GABRG3: variants seen among roughly 807,000 people sequenced by gnomAD.
GABRG3 encodes the protein gamma-aminobutyric acid receptor subunit gamma-3.
Under a neutral mutation model 48.8 loss-of-function variants are expected in GABRG3, and 25 were observed. That is an observed-to-expected ratio of 0.51 (90% confidence interval 0.37 to 0.72). The LOEUF is 0.72. GABRG3 is among the 30% of genes least tolerant of loss of function. The pLI is 0.00. For missense variants in GABRG3, 394 were observed against 577.9 expected, an observed-to-expected ratio of 0.68 and a Z score of 3.26; for synonymous variants, 227 against 217.6, an observed-to-expected ratio of 1.04 and a Z score of -0.38.
chr15:27,003,048 A>G (rs1895484110), intron 2 of GABRG3, among the ~76,000 whole-genome samples: 3 of 151,942 alleles, frequency 2.0e-5, no homozygotes, highest in Non-Finnish European at 4.4e-5. Context: ...TCACATGTGA[A>G]TATTTAAATA....
rs112396307 is a variant in GABRG3, at chr15:27,508,428, C to G, written c.713-11544C>G. 6.3e-3 allele frequency among the ~76,000 whole-genome samples: 957 copies of G among 152,176 alleles called. 13 individuals carry two copies. Among genetic ancestry groups the G allele is most frequent in the African/African-American group, 0.022 (930 of 41,542 alleles). The stretch of plus-strand genomic sequence containing the variant: ...TATTCCCTATTACTTTCTTCCATCT[C>G]TTGTATAATTGCTATTATACATTTC... On this transcript the variant is annotated intron_variant, in intron 6 of 9. Coordinates refer to ENST00000615808, the MANE Select transcript of GABRG3 (RefSeq NM_033223.5).
At chr15:27,216,309 A>G (rs1310733307) in intron 3 of GABRG3, among the ~76,000 whole-genome samples, 1 of 152,242 alleles carries the variant, frequency 6.6e-6, no homozygotes, top group African/African-American at 2.4e-5. Flanking sequence ...TTTAAAAAAT[A>G]AAAGGGAGGA....
At chr15:27,500,667 C>G (rs1182484412) in intron 6 of GABRG3, among the ~76,000 whole-genome samples, 1 of 152,132 alleles carries the variant, frequency 6.6e-6, no homozygotes, top group African/African-American at 2.4e-5. Flanking sequence ...AAAATGTATC[C>G]AGCCTACTCC....
intron 5 of GABRG3, among the ~76,000 whole-genome samples, chr15:27,442,029 G>C (rs1888802935): frequency 6.6e-6 from 1 of 152,166 alleles, no homozygotes; most frequent in African/African-American, 2.4e-5. Flanking sequence ...CCAAGGCTAA[G>C]ACCTACTGAA....
intron 3 of GABRG3, among the ~76,000 whole-genome samples, chr15:27,125,672 C>G (rs909600590): frequency 3.3e-5 from 5 of 152,182 alleles, no homozygotes; most frequent in Non-Finnish European, 7.3e-5. Context: ...TAGCTATTAA[C>G]TTTGTTCGAT....
At chr15:27,378,057 C>G (rs1895653074) in intron 5 of GABRG3, among the ~76,000 whole-genome samples, 1 of 151,998 alleles carries the variant, frequency 6.6e-6, no homozygotes, top group Admixed American at 6.6e-5. Flanking sequence ...CCCAAAATAC[C>G]CAGTGTTGCA....
At chr15:27,078,174 A>T (rs987743883) in intron 3 of GABRG3, among the ~76,000 whole-genome samples, 1 of 152,178 alleles carries the variant, frequency 6.6e-6, no homozygotes, top group Non-Finnish European at 1.5e-5. Context: ...TTGAGTCAGT[A>T]GACTAGGCTT....
intron 3 of GABRG3, among the ~76,000 whole-genome samples, chr15:27,312,985 A>G (rs1257508022): frequency 6.6e-6 from 1 of 150,480 alleles, no homozygotes; most frequent in African/African-American, 2.4e-5. Flanking sequence ...AATGGATGTA[A>G]TGGTCTCACT....
Position 27,532,811 on chromosome 15 carries a change from C to G in GABRG3, c.1334C>G (p.Ser445Cys). The change falls in exon 10 of 10, where the codon TCC (serine) becomes TGC (cysteine). Residue 445 changes from serine (S) to cysteine (C), a missense_variant. By Grantham distance (112) the Ser-to-Cys change is moderately radical. Transcript: ENST00000615808. The part of the protein sequence containing the change: ...HIDILELDSY[S>C]RVFFPTSFLL... ...GACATCTTGGAGCTGGACTCGTACT[C>G]CCGGGTCTTTTTCCCCACGTCCTTC... 1 of 1,613,986 alleles carries G rather than the reference C, an allele frequency of 6.2e-7. No individual in the cohort carries two copies. Among genetic ancestry groups the G allele is most frequent in the Non-Finnish European group, 8.5e-7 (1 of 1,179,882 alleles).
intron 6 of GABRG3, among the ~76,000 whole-genome samples, chr15:27,508,936 C>T (rs910039808): frequency 6.6e-6 from 1 of 152,076 alleles, no homozygotes; most frequent in Admixed American, 6.6e-5. Context: ...AGCCGGGATG[C>T]TTTCAATCTC....
At chr15:27,219,603 C>A (rs906023032) in intron 3 of GABRG3, among the ~76,000 whole-genome samples, 2 of 152,288 alleles carry the variant, frequency 1.3e-5, no homozygotes, top group East Asian at 1.9e-4. Context: ...TAGTCCTCCC[C>A]ACCTGTGCCC....
intron 3 of GABRG3, among the ~76,000 whole-genome samples, chr15:27,056,353 CA>C (rs58665097): frequency 0.03 from 1,722 of 57,156 alleles, 25 homozygotes; most frequent in East Asian, 0.23. Flanking sequence ...ACCCTGTCTC[CA>C]AAAAAAAAAA....
chr15:27,184,495 G>A lies in GABRG3; in HGVS notation c.271-142314G>A, dbSNP rs114230464. On this transcript the variant is annotated intron_variant, in intron 3 of 9. Transcript: ENST00000615808. ...ATTCTCATCTTCTACACTGGCAACT[G>A]AAAATATAGATATAGTTATTGGTCT... Among the ~76,000 whole-genome samples, 686 of 152,278 alleles carry A rather than the reference G, an allele frequency of 4.5e-3. 6 individuals are homozygous for A. The highest frequency in any genetic ancestry group is 0.016 in the African/African-American group (666 of 41,560).
At chr15:27,415,171 T>A (rs968332191) in intron 5 of GABRG3, among the ~76,000 whole-genome samples, 2 of 152,212 alleles carry the variant, frequency 1.3e-5, no homozygotes, top group African/African-American at 4.8e-5. Context: ...CCATTATGCA[T>A]GTGTTTCCCC....
intron 5 of GABRG3, among the ~76,000 whole-genome samples, chr15:27,361,805 AC>A (rs1895032407): frequency 6.6e-6 from 1 of 152,242 alleles, no homozygotes; most frequent in South Asian, 2.1e-4. Context: ...ACAGAACACG[AC>A]GTGTCAATTA....
chr15:27,158,225 A>G (rs1313910914), intron 3 of GABRG3: 1 of 152,108 alleles, frequency 6.6e-6, no homozygotes, highest in Non-Finnish European at 1.5e-5. Flanking sequence ...TTTAGGGTAA[A>G]TTACACCAGG....
intron 5 of GABRG3, among the ~76,000 whole-genome samples, chr15:27,367,142 A>G (rs1895233505): frequency 6.6e-6 from 1 of 152,148 alleles, no homozygotes; most frequent in Admixed American, 6.5e-5. Context: ...ATTCCTTCCC[A>G]GAGGTGGAGT....
chr15:27,473,681 A>G (rs1477065924), intron 5 of GABRG3, among the ~76,000 whole-genome samples: 1 of 152,238 alleles, frequency 6.6e-6, no homozygotes, highest in East Asian at 1.9e-4. Flanking sequence ...TAAGTCAGGT[A>G]ATAGATGAAA....
At position 27,328,905 on chromosome 15, in the gene GABRG3, G is replaced by GC; in HGVS notation, c.574+20dup. 1.2e-6 allele frequency: 2 copies of GC among 1,608,942 alleles called. No individual in the cohort carries two copies. Among genetic ancestry groups the GC allele is most frequent in the Non-Finnish European group, 1.7e-6 (2 of 1,175,290 alleles). ...TCTCCAGCTGTGAGTACCAGTCCAA[G>GC]CCCGGGGTGTGCATGCTGTGTGAGG... On this transcript the variant is annotated intron_variant, in intron 5 of 9. Coordinates refer to ENST00000615808, the MANE Select transcript of GABRG3 (RefSeq NM_033223.5).
Sources: gnomAD v4.1 joint callset for allele counts (sites outside exome capture counted in the v4.1 genomes callset) on GRCh38, gnomAD v4.1.1 for gene constraint, MANE v1.5 for transcripts, NCBI Gene and HGNC (gene_info 2026-07-23, HGNC 2026-07-21) for gene names.